The following GPR158 variants were observed in gnomAD, a reference collection of about 807,000 sequenced individuals.
GPR158 encodes the protein G protein-coupled receptor 158, also known as metabotropic glycine receptor.
In GPR158, 30 loss-of-function variants were observed where a neutral mutation model predicts 78.2. The observed-to-expected ratio is 0.38, with a 90% confidence interval of 0.29 to 0.52. The LOEUF is 0.52. GPR158 is among the 20% of genes least tolerant of loss of function. The pLI is 0.83. For missense variants in GPR158, 1,463 were observed against 1,523.5 expected, an observed-to-expected ratio of 0.96 and a Z score of 0.66; for synonymous variants, 581 against 591.1, an observed-to-expected ratio of 0.98 and a Z score of 0.25.
At chr10:25,317,335 A>T (rs142289413) in intron 2 of GPR158, among the ~76,000 whole-genome samples, 1 of 152,206 alleles carries the variant, frequency 6.6e-6, no homozygotes, top group East Asian at 1.9e-4. Flanking sequence ...GGTGTGAGCC[A>T]CTACACCTGG....
At chr10:25,208,119 A>G (rs941420777) in intron 1 of GPR158, among the ~76,000 whole-genome samples, 1 of 152,214 alleles carries the variant, frequency 6.6e-6, no homozygotes, top group African/African-American at 2.4e-5. Flanking sequence ...AGCAGGGTTT[A>G]TAGAATGTGT....
chr10:25,204,354 A>C (rs1852984628), intron 1 of GPR158, among the ~76,000 whole-genome samples: 2 of 152,168 alleles, frequency 1.3e-5, no homozygotes, highest in African/African-American at 4.8e-5. Flanking sequence ...GAAAGCTTCC[A>C]GTTTTTGCCC....
intron 2 of GPR158, among the ~76,000 whole-genome samples, chr10:25,231,725 A>G (rs1853450263): frequency 6.6e-6 from 1 of 152,230 alleles, no homozygotes; most frequent in East Asian, 1.9e-4. Flanking sequence ...GTGGGAATAT[A>G]ACAGAGGTGA....
At chr10:25,543,131 TA>T (rs199577142) in intron 5 of GPR158, among the ~76,000 whole-genome samples, 2 of 151,232 alleles carry the variant, frequency 1.3e-5, no homozygotes, top group South Asian at 2.1e-4. Flanking sequence ...TTTTTATTTT[TA>T]TTTTTTGAGA....
chr10:25,479,986 A>G (rs1835643557), intron 5 of GPR158, among the ~76,000 whole-genome samples: 1 of 151,900 alleles, frequency 6.6e-6, no homozygotes. Context: ...GTCAATTCTG[A>G]TATTTCTGTG....
intron 2 of GPR158, among the ~76,000 whole-genome samples, chr10:25,337,727 T>C (rs940649742): frequency 5.7e-5 from 8 of 139,940 alleles, no homozygotes; most frequent in Non-Finnish European, 1.2e-4. Flanking sequence ...TTTTCTAAAA[T>C]GATTGTATTT....
intron 6 of GPR158, among the ~76,000 whole-genome samples, chr10:25,561,594 T>C (rs1836861333): frequency 6.6e-6 from 1 of 152,220 alleles, no homozygotes. Context: ...TGCCAAACTT[T>C]TCAAAACTAA....
chr10:25,281,335 A>C (rs1362809373), intron 2 of GPR158, among the ~76,000 whole-genome samples: 3 of 147,618 alleles, frequency 2.0e-5, no homozygotes, highest in South Asian at 4.5e-4. Flanking sequence ...AGGCCAAGGC[A>C]GGTGGATCAC....
intron 5 of GPR158, among the ~76,000 whole-genome samples, chr10:25,495,445 A>C (rs929364405): frequency 2.6e-5 from 4 of 151,384 alleles, no homozygotes; most frequent in African/African-American, 9.7e-5. Context: ...GGTGCCTGCC[A>C]TCACGCCCGG....
intron 6 of GPR158, among the ~76,000 whole-genome samples, chr10:25,551,596 G>A (rs868353372): frequency 1.3e-5 from 2 of 152,114 alleles, no homozygotes; most frequent in South Asian, 2.1e-4. Context: ...TATCAGCCTT[G>A]GAAAATGGAG....
chr10:25,354,314 C>T (rs1481545481), intron 2 of GPR158, among the ~76,000 whole-genome samples: 1 of 149,756 alleles, frequency 6.7e-6, no homozygotes, highest in Non-Finnish European at 1.5e-5. Flanking sequence ...GAGATTGTGC[C>T]ATTGTACTCC....
intron 5 of GPR158, among the ~76,000 whole-genome samples, chr10:25,519,601 T>C (rs1310903985): frequency 1.4e-5 from 2 of 144,064 alleles, no homozygotes; most frequent in Non-Finnish European, 3.0e-5. Flanking sequence ...TTTGCTTGTC[T>C]GTAAAGTATT....
At chr10:25,267,827 G>A (rs1383390232) in intron 2 of GPR158, among the ~76,000 whole-genome samples, 1 of 152,042 alleles carries the variant, frequency 6.6e-6, no homozygotes, top group Non-Finnish European at 1.5e-5. Context: ...AAACATGTGA[G>A]TAGGAAATTA....
intron 2 of GPR158, among the ~76,000 whole-genome samples, chr10:25,368,136 A>G (rs916723423): frequency 7.9e-5 from 12 of 151,868 alleles, no homozygotes; most frequent in Non-Finnish European, 1.3e-4. Flanking sequence ...AGCTCTCTGG[A>G]TGAAGTACTG....
rs143984713 is a variant in GPR158, at chr10:25,346,336, C to T, written c.1009-49575C>T. 1.1e-4 allele frequency among the ~76,000 whole-genome samples: 16 copies of T among 152,002 alleles called. 1 individual carries two copies. In the East Asian group the frequency reaches 2.9e-3, roughly 28 times the overall value. On this transcript the variant is annotated intron_variant, in intron 2 of 10. Transcript: ENST00000376351. ...AGTCATCTGACAATAAAACTCACCT[C>T]CTTTACCCTTGCAAAAGGAGAAACC...
intron 8 of GPR158, among the ~76,000 whole-genome samples, chr10:25,592,408 CT>C (rs1554816266): frequency 6.6e-6 from 1 of 151,932 alleles, no homozygotes; most frequent in East Asian, 1.9e-4. Flanking sequence ...AAGCACAAGA[CT>C]TTTAAGTGTG....
intron 5 of GPR158, among the ~76,000 whole-genome samples, chr10:25,504,356 C>T (rs891876505): frequency 1.3e-5 from 2 of 152,128 alleles, no homozygotes; most frequent in African/African-American, 2.4e-5. Context: ...ATATTGAGCC[C>T]CCCATTCCTT....
chr10:25,251,226 C>T (rs372934226), intron 2 of GPR158, among the ~76,000 whole-genome samples: 105 of 152,212 alleles, frequency 6.9e-4, no homozygotes, highest in African/African-American at 2.5e-3. Context: ...TGAGATGGGT[C>T]TCCTGAATAC....
chr10:25,343,448 T>G (rs1414596227), intron 2 of GPR158, among the ~76,000 whole-genome samples: 1 of 152,030 alleles, frequency 6.6e-6, no homozygotes, highest in Non-Finnish European at 1.5e-5. Flanking sequence ...ATAATCCAAT[T>G]ATTATGTTTA....
Sources: allele counts gnomAD v4.1 joint callset (sites outside exome capture counted in the v4.1 genomes callset), GRCh38; gene constraint gnomAD v4.1.1; transcripts MANE v1.5; gene names NCBI Gene and HGNC (gene_info 2026-07-23, HGNC 2026-07-21).